The following ACACA variants were observed in gnomAD, a reference collection of about 807,000 sequenced individuals.
The protein encoded by ACACA is acetyl-CoA carboxylase 1.
In ACACA, 103 loss-of-function variants were observed where a neutral mutation model predicts 296.1. That is an observed-to-expected ratio of 0.35 (90% CI 0.30 to 0.41). The LOEUF (loss-of-function observed/expected upper bound fraction) is 0.41, where lower values mean the gene tolerates loss of function less well. Among genes scored for constraint, ACACA ranks in the 10% least tolerant of loss-of-function variants. ACACA has a pLI of 1.00. For missense variants in ACACA, 1,554 were observed against 2,989.7 expected (o/e 0.52, Z 11.20); for synonymous variants, 953 against 1,038.6 (o/e 0.92, Z 1.58).
intron 26 of ACACA, chr17:37,225,369 C>T (rs1369029643): frequency 4.7e-6 from 2 of 428,280 alleles, no homozygotes; most frequent in African/African-American, 2.0e-5. Context: ...AAAACAGCTT[C>T]GATCAAGTTC....
chr17:37,193,748 A>G (rs1163365894), intron 35 of ACACA, among the ~76,000 whole-genome samples: 2 of 152,298 alleles, frequency 1.3e-5, no homozygotes, highest in East Asian at 3.9e-4. Context: ...AAATAAAACC[A>G]ATATACCCTT....
intron 45 of ACACA, among the ~76,000 whole-genome samples, chr17:37,135,967 G>A (rs906314516): frequency 2.4e-4 from 35 of 147,636 alleles, no homozygotes; most frequent in Non-Finnish European, 7.4e-5. Flanking sequence ...GGCTGGTATC[G>A]AAGACCTGGC....
intron 1 of ACACA, chr17:37,388,709 T>C (rs778491785): frequency 5.0e-6 from 8 of 1,612,048 alleles, no homozygotes; most frequent in South Asian, 2.2e-5. Context: ...AAATGGAGTA[T>C]TGTGGTCAAA....
chr17:37,097,633 C>G lies in ACACA; in HGVS notation c.6720+197G>C, dbSNP rs1046422668. Reference sequence around the variant, plus strand: ...TTGCCTCCTGAGGAATTAATGGAAACCTAAATTATACATTGTTTTAAGATG... The same window carrying G: ...TTGCCTCCTGAGGAATTAATGGAAAGCTAAATTATACATTGTTTTAAGATG... On this transcript the variant is annotated intron_variant, in intron 53 of 55. Coordinates refer to ENST00000616317, the MANE Select transcript of ACACA (RefSeq NM_198834.3). The surrounding 1 kb of genome is among the most constrained non-coding windows in gnomAD (Gnocchi z 4.8). Among the ~76,000 whole-genome samples, 11 of 152,120 alleles carry G rather than the reference C, an allele frequency of 7.2e-5. No homozygotes were observed. The highest frequency in any genetic ancestry group is 2.7e-4 in the African/African-American group (11 of 41,430).
intron 6 of ACACA, among the ~76,000 whole-genome samples, chr17:37,277,531 A>G (rs1310299606): frequency 6.6e-6 from 1 of 152,172 alleles, no homozygotes; most frequent in Non-Finnish European, 1.5e-5. Context: ...TAAGGTACCT[A>G]CCCTAAACTT....
At chr17:37,284,999 C>G in intron 3 of ACACA, 29 bp from the exon 4 acceptor site, 1 of 1,613,928 alleles carries the variant, frequency 6.2e-7, no homozygotes, top group South Asian at 1.1e-5. Context: ...CATAAAAACA[C>G]CACCTATATT....
intron 25 of ACACA, among the ~76,000 whole-genome samples, chr17:37,231,367 C>T (rs925776580): frequency 7.9e-5 from 12 of 152,124 alleles, no homozygotes; most frequent in Non-Finnish European, 1.6e-4. Flanking sequence ...ATTATTTAGC[C>T]GGGTAGGCAC....
intron 22 of ACACA, among the ~76,000 whole-genome samples, chr17:37,242,710 G>A (rs139403540): frequency 0.022 from 3,359 of 151,056 alleles, 117 homozygotes; most frequent in African/African-American, 0.077. Context: ...CAGCCTTGGC[G>A]ACAGAGCAAG....
At chr17:37,187,957 C>A (rs969375502) in intron 39 of ACACA, among the ~76,000 whole-genome samples, 2 of 152,148 alleles carry the variant, frequency 1.3e-5, no homozygotes, top group African/African-American at 4.8e-5. Flanking sequence ...GATTAGATTG[C>A]TGAAATAACC....
intron 29 of ACACA, among the ~76,000 whole-genome samples, chr17:37,216,210 A>ATG (rs2078991879): frequency 7.5e-6 from 1 of 133,926 alleles, no homozygotes. Flanking sequence ...GTGTGTGTGT[A>ATG]TATATATATA....
intron 1 of ACACA, among the ~76,000 whole-genome samples, chr17:37,374,566 C>T (rs1198523883): frequency 2.0e-5 from 3 of 152,132 alleles, no homozygotes; most frequent in Admixed American, 1.3e-4. Flanking sequence ...GGATTACAGG[C>T]GTGAGCCACC....
intron 50 of ACACA, among the ~76,000 whole-genome samples, chr17:37,118,154 T>G (rs1428917013): frequency 6.6e-6 from 1 of 152,214 alleles, no homozygotes; most frequent in African/African-American, 2.4e-5. Context: ...TAAGTCTTAT[T>G]TGTCTTACGT....
At position 37,230,965 on chromosome 17, in the gene ACACA, C is replaced by T. The variant is rs192015231; in HGVS notation, c.3246+4010G>A. Among the ~76,000 whole-genome samples, 16 of 152,350 alleles carry T rather than the reference C, an allele frequency of 1.1e-4. No homozygotes were observed. The East Asian group carries it at 2.9e-3, about 27-fold the overall frequency. ...ATAAAACGAAGTGAAAATTATTATTCAGCCATACTGGTACAAAACAGTTAT... is the reference window on the plus strand; with the variant it reads ...ATAAAACGAAGTGAAAATTATTATTTAGCCATACTGGTACAAAACAGTTAT... On this transcript the variant is annotated intron_variant, in intron 25 of 55. Coordinates refer to ENST00000616317, the MANE Select transcript of ACACA (RefSeq NM_198834.3).
At position 37,270,851 on chromosome 17, in the gene ACACA, T is replaced by G; in HGVS notation, c.1019A>C (p.Glu340Ala). The G allele has an allele frequency of 6.2e-7, 1 of 1,612,970 alleles. No individual in the cohort carries two copies. Among genetic ancestry groups the G allele is most frequent in the Non-Finnish European group, 8.5e-7 (1 of 1,179,420 alleles). ...DVDDGLQAAE[E>A]VGYPVMIKAS... is the part of the protein sequence containing the mutation. ...CTTGATCATTACTGGATATCCAACT[T>G]CCTCAGCTGCCTTCAAAAAGAAAGA... is the stretch of plus-strand genomic sequence containing the variant. Residue 340 changes from glutamate (E) to alanine (A), a missense_variant, in exon 10 of 56, where the codon GAA (glutamate) becomes GCA (alanine). Physicochemically the swap from Glu to Ala is moderately radical, Grantham distance 107. This residue lies in a region of ACACA where 82 missense variants were observed against 185.2 expected (regional missense o/e 0.44). Coordinates refer to ENST00000616317, the MANE Select transcript of ACACA (RefSeq NM_198834.3).
intron 14 of ACACA, among the ~76,000 whole-genome samples, chr17:37,255,045 G>A (rs1489445098): frequency 6.6e-6 from 1 of 151,720 alleles, no homozygotes; most frequent in Non-Finnish European, 1.5e-5. Context: ...AGGTTGCAGT[G>A]AGCTGAGATC....
chr17:37,191,334 G>A, intron 37 of ACACA, 59 bp from the exon 38 acceptor site: 6 of 1,506,558 alleles, frequency 4.0e-6, no homozygotes, highest in Non-Finnish European at 5.5e-6. Flanking sequence ...TAAAGAAATG[G>A]CTATTATAAT....
rs1406223278 is a variant in ACACA, at chr17:37,257,883, A to T, written c.1663-17T>A. On this transcript the variant is annotated splice_polypyrimidine_tract_variant and intron_variant, in intron 13 of 55. Transcript: ENST00000616317. Reference sequence around the variant, plus strand: ...CTTAAAACCCTGTTAGAGAATAAAGAATGAGAGACCATATTATGTTTCGAA... The same window carrying T: ...CTTAAAACCCTGTTAGAGAATAAAGTATGAGAGACCATATTATGTTTCGAA... 1 of 1,613,318 alleles carries T rather than the reference A, an allele frequency of 6.2e-7. No individual in the cohort carries two copies. The highest frequency in any genetic ancestry group is 1.3e-5 in the African/African-American group (1 of 74,920).
chr17:37,181,637 C>T (rs530004579), intron 39 of ACACA, among the ~76,000 whole-genome samples: 4 of 152,102 alleles, frequency 2.6e-5, no homozygotes, highest in South Asian at 2.1e-4. Context: ...CAGTGGCTCA[C>T]GCCTGTAATC....
chr17:37,123,799 TGGAA>T lies in ACACA; in HGVS notation c.6042-1176_6042-1173del, dbSNP rs547478351. Reference sequence around the variant, plus strand: ...TGTTCACAATGATTAACAATCCAACTGGAAACTTGTAATTGCAAAAGCCACCCTA... The same window carrying T: ...TGTTCACAATGATTAACAATCCAACTACTTGTAATTGCAAAAGCCACCCTA... On this transcript the variant is annotated intron_variant, in intron 48 of 55. Transcript: ENST00000616317. Among the ~76,000 whole-genome samples the T allele has an allele frequency of 7.2e-5, 11 of 152,336 alleles. No individual in the cohort carries two copies. The East Asian group carries it at 2.1e-3, about 29-fold the overall frequency.
Sources: gnomAD v4.1 joint callset for allele counts (sites outside exome capture counted in the v4.1 genomes callset) on GRCh38, gnomAD v4.1.1 for gene constraint, gnomAD v4.1.1 regional missense constraint, Gnocchi (gnomAD v3.1) non-coding constraint, MANE v1.5 for transcripts, NCBI Gene and HGNC (gene_info 2026-07-23, HGNC 2026-07-21) for gene names.